The following PDLIM1 variants were observed in gnomAD, a reference collection of about 807,000 sequenced individuals.
PDLIM1 encodes PDZ and LIM domain 1.
PDLIM1 carries 25 observed loss-of-function variants against 35.2 expected under a neutral mutation model. That is an observed-to-expected ratio of 0.71 (90% CI 0.52 to 0.99). The LOEUF (loss-of-function observed/expected upper bound fraction) is 0.99, where lower values mean the gene tolerates loss of function less well. Ranked by LOEUF, PDLIM1 falls within the 50% of genes least tolerant of loss-of-function variation. The probability of loss-of-function intolerance (pLI) is 0.00; values close to 1 mark genes in which losing one functional copy is unlikely to be tolerated. For missense variants in PDLIM1, 363 were observed against 415.3 expected (o/e 0.87, Z 1.09); for synonymous variants, 152 against 154.0 (o/e 0.99, Z 0.10).
intron 1 of PDLIM1, among the ~76,000 whole-genome samples, chr10:95,289,490 G>C (rs529989418): frequency 2.6e-5 from 4 of 152,152 alleles, no homozygotes; most frequent in African/African-American, 7.2e-5. Context: ...ACTCTTTTAG[G>C]GGGGTGAGAT....
chr10:95,260,661 T>G (rs1280963835), intron 4 of PDLIM1, among the ~76,000 whole-genome samples: 2 of 152,184 alleles, frequency 1.3e-5, no homozygotes, highest in African/African-American at 4.8e-5. Context: ...ACAAGACAGA[T>G]AGCAACAGAC....
chr10:95,274,684 T>C (rs1224931705), intron 1 of PDLIM1, among the ~76,000 whole-genome samples: 2 of 152,168 alleles, frequency 1.3e-5, no homozygotes, highest in African/African-American at 2.4e-5. Flanking sequence ...GTTTGTTTAA[T>C]GTTGAAAGGC....
chr10:95,261,411 C>A (rs980176724), intron 4 of PDLIM1, among the ~76,000 whole-genome samples: 3 of 152,148 alleles, frequency 2.0e-5, no homozygotes, highest in African/African-American at 4.8e-5. Flanking sequence ...TCACAGGCCC[C>A]CAGTGTTTCC....
At chr10:95,240,191 C>T (rs1253506892) in intron 5 of PDLIM1, among the ~76,000 whole-genome samples, 12 of 152,170 alleles carry the variant, frequency 7.9e-5, no homozygotes, top group African/African-American at 2.7e-4. Flanking sequence ...TGCACTCTTA[C>T]GTTCATCACA....
intron 4 of PDLIM1, among the ~76,000 whole-genome samples, chr10:95,259,445 T>C (rs2035343088): frequency 1.3e-5 from 2 of 152,130 alleles, no homozygotes; most frequent in South Asian, 4.1e-4. Context: ...TACCCCAATG[T>C]TCACCCAAAA....
intron 3 of PDLIM1, among the ~76,000 whole-genome samples, chr10:95,267,616 A>C (rs1433191722): frequency 2.0e-5 from 3 of 152,184 alleles, no homozygotes; most frequent in Non-Finnish European, 4.4e-5. Context: ...TTAATGGCAA[A>C]AATTTTATGT....
chr10:95,247,652 CTT>C (rs1400270734), intron 4 of PDLIM1: 1 of 269,828 alleles, frequency 3.7e-6, no homozygotes, highest in Non-Finnish European at 6.9e-6. Flanking sequence ...TGCTCTATCT[CTT>C]TATAAATTCC....
At chr10:95,249,278 G>A (rs2035248138) in intron 4 of PDLIM1, among the ~76,000 whole-genome samples, 1 of 152,216 alleles carries the variant, frequency 6.6e-6, no homozygotes, top group African/African-American at 2.4e-5. Context: ...CCAGGGACAT[G>A]GGCAGCCCCA....
chr10:95,274,283 C>T (rs1166316267), intron 1 of PDLIM1, among the ~76,000 whole-genome samples: 1 of 148,138 alleles, frequency 6.8e-6, no homozygotes, highest in Admixed American at 7.1e-5. Context: ...GCTATACCCC[C>T]ACAGTCATCC....
At chr10:95,285,282 G>A (rs2035593032) in intron 1 of PDLIM1, among the ~76,000 whole-genome samples, 1 of 152,186 alleles carries the variant, frequency 6.6e-6, no homozygotes, top group African/African-American at 2.4e-5. Context: ...GAGGCCACAA[G>A]GCAACTGGAG....
At chr10:95,264,771 G>C (rs1253724851) in intron 3 of PDLIM1, among the ~76,000 whole-genome samples, 2 of 152,128 alleles carry the variant, frequency 1.3e-5, no homozygotes, top group Admixed American at 1.3e-4. Context: ...TGTAATTTGA[G>C]AAAGTTCCCT....
chr10:95,250,415 A>T (rs1316764307), intron 4 of PDLIM1, among the ~76,000 whole-genome samples: 1 of 152,140 alleles, frequency 6.6e-6, no homozygotes, highest in Non-Finnish European at 1.5e-5. Context: ...ACCACTGGAC[A>T]ATTTATAAAG....
chr10:95,257,154 G>A (rs1589510646), intron 4 of PDLIM1, among the ~76,000 whole-genome samples: 2 of 151,982 alleles, frequency 1.3e-5, no homozygotes, highest in Middle Eastern at 3.4e-3. Context: ...AGCACTTTGG[G>A]AGGCCAAGGT....
rs201496907 is a variant in PDLIM1, at chr10:95,268,830, G to A, written c.281C>T (p.Thr94Met). The change falls in exon 3 of 7, where the codon ACG (threonine) becomes ATG (methionine). Residue 94 changes from threonine to methionine, a missense_variant. Transcript: ENST00000329399. ...GTATGGATGACGCTTCCCTTCCTCC[G>A]TCACCAGAGGAGACCAGACTTTATG... is the stretch of plus-strand genomic sequence containing the variant. ...SEHKVWSPLV[T>M]EEGKRHPYKM... 4.9e-5 allele frequency: 79 copies of A among 1,612,612 alleles called. No homozygotes were observed. Among genetic ancestry groups the A allele is most frequent in the Admixed American group, 1.3e-4 (8 of 60,004 alleles).
intron 1 of PDLIM1, among the ~76,000 whole-genome samples, chr10:95,288,068 T>C (rs11188262): frequency 0.19 from 28,769 of 152,014 alleles, 2,942 homozygotes; most frequent in East Asian, 0.39. Flanking sequence ...TAGGGAACTT[T>C]TGGGTGCTGC....
intron 5 of PDLIM1, among the ~76,000 whole-genome samples, chr10:95,242,275 A>G (rs1358584964): frequency 6.6e-6 from 1 of 152,134 alleles, no homozygotes; most frequent in African/African-American, 2.4e-5. Context: ...TTCCTTTGGG[A>G]GGAGGCCAAA....
rs45526538 is a variant in PDLIM1, at chr10:95,278,826, C to A, written c.97-7042G>T. On this transcript the variant is annotated intron_variant, in intron 1 of 6. Coordinates refer to ENST00000329399, the MANE Select transcript of PDLIM1 (RefSeq NM_020992.4). ...GACTGCATTTGACAGATACTCTAACCGACGCTCAAAGAAGCAAACCCATTC... is the reference window on the plus strand; with the variant it reads ...GACTGCATTTGACAGATACTCTAACAGACGCTCAAAGAAGCAAACCCATTC... 4.3e-3 allele frequency among the ~76,000 whole-genome samples: 658 copies of A among 152,236 alleles called. 1 individual carries two copies. The highest frequency in any genetic ancestry group is 0.014 in the African/African-American group (563 of 41,526).
At chr10:95,285,739 T>C (rs1459052582) in intron 1 of PDLIM1, among the ~76,000 whole-genome samples, 5 of 152,168 alleles carry the variant, frequency 3.3e-5, no homozygotes, top group Non-Finnish European at 7.4e-5. Context: ...ATGCAGGCAG[T>C]GTACTTAAGG....
At chr10:95,241,818 G>A (rs986276038) in intron 5 of PDLIM1, among the ~76,000 whole-genome samples, 2 of 127,656 alleles carry the variant, frequency 1.6e-5, no homozygotes, top group East Asian at 2.0e-4. Context: ...GAGAGGACTC[G>A]GGGCCTGGTC....
Sources: gnomAD v4.1 joint callset for allele counts (sites outside exome capture counted in the v4.1 genomes callset) on GRCh38, gnomAD v4.1.1 for gene constraint, MANE v1.5 for transcripts, NCBI Gene and HGNC (gene_info 2026-07-23, HGNC 2026-07-21) for gene names.